The following NEXMIF variants were observed in gnomAD, a reference collection of about 807,000 sequenced individuals.
NEXMIF encodes neurite extension and migration factor, also known as XLMR protein related to neurite extension.
A neutral mutation model predicts 62.1 loss-of-function variants in NEXMIF; 8 were observed. The observed-to-expected ratio is 0.13, with a 90% confidence interval of 0.08 to 0.23. NEXMIF has a LOEUF of 0.23. Ranked by LOEUF, NEXMIF falls within the 10% of genes least tolerant of loss-of-function variation. The probability of loss-of-function intolerance (pLI) is 1.00; values close to 1 mark genes in which losing one functional copy is unlikely to be tolerated. For synonymous variants in NEXMIF, 404 were observed against 416.6 expected (o/e 0.97, Z 0.37); for missense variants, 976 against 1,113.3 (o/e 0.88, Z 1.75).
rs1279118470 is a variant in NEXMIF at position 74,745,586 on chromosome X, C to T, written c.65G>A (p.Gly22Glu). 3 of 1,192,413 alleles carry T rather than the reference C, an allele frequency of 2.5e-6. No homozygotes were observed. The highest frequency in any genetic ancestry group is 1.7e-5 in the African/African-American group (1 of 57,324). ...SANGENTLIN[G>E]VKENDSEDQD... The stretch of plus-strand genomic sequence containing the variant: ...AATTCCCTTACCATTTTCTTTGACC[C>T]CATTAATCAGAGTGTTTTCTCCGTT... The change falls in exon 2 of 4, where the codon GGG (glycine) becomes GAG (glutamate). Residue 22 changes from glycine (G) to glutamate (E), a missense_variant. Coordinates refer to ENST00000055682, the MANE Select transcript of NEXMIF (RefSeq NM_001008537.3).
At chrX:74,851,624 A>G (rs909868335) in intron 1 of NEXMIF, among the ~76,000 whole-genome samples, 1 of 111,392 alleles carries the variant, frequency 9.0e-6, no homozygotes, top group Non-Finnish European at 1.9e-5. Flanking sequence ...CAAGGATACT[A>G]TACCCAGCAA....
At chrX:74,891,864 C>T (rs1486354918) in intron 1 of NEXMIF, among the ~76,000 whole-genome samples, 20 of 111,914 alleles carry the variant, frequency 1.8e-4, no homozygotes, top group South Asian at 3.7e-4. Context: ...TCTACTTCTC[C>T]GACATGGCTC....
chrX:74,826,887 T>G (rs982097421), intron 1 of NEXMIF, among the ~76,000 whole-genome samples: 1 of 111,778 alleles, frequency 8.9e-6, no homozygotes. Context: ...AATTTATTGT[T>G]GGGAGGATTA....
At chrX:74,784,957 C>T (rs952312402) in intron 1 of NEXMIF, among the ~76,000 whole-genome samples, 1 of 111,446 alleles carries the variant, frequency 9.0e-6, no homozygotes, top group African/African-American at 3.3e-5. Context: ...GGCTCAAGTA[C>T]GCTTCCCCGG....
At chrX:74,870,640 G>A (rs763541108) in intron 1 of NEXMIF, among the ~76,000 whole-genome samples, 36 of 111,649 alleles carry the variant, frequency 3.2e-4, no homozygotes, top group South Asian at 7.4e-4. Context: ...CTAATAATCT[G>A]AATAAAAAAT....
At chrX:74,763,263 G>T (rs1318683530) in intron 1 of NEXMIF, among the ~76,000 whole-genome samples, 1 of 111,639 alleles carries the variant, frequency 9.0e-6, no homozygotes, top group East Asian at 2.8e-4. Context: ...GTTTGTCAAA[G>T]ATCAGATGGT....
chrX:74,861,238 A>C (rs1228251808), intron 1 of NEXMIF, among the ~76,000 whole-genome samples: 1 of 111,684 alleles, frequency 9.0e-6, no homozygotes, highest in African/African-American at 3.2e-5. Flanking sequence ...TAGAAGAAAG[A>C]ATTTCAGAGC....
At chrX:74,739,943 TTTAAAA>T (rs1197545460) in intron 3 of NEXMIF, 151 bp downstream of exon 3, 3 of 489,731 alleles carry the variant, frequency 6.1e-6, no homozygotes, top group African/African-American at 4.8e-5. Context: ...TTTCATGCAC[TTTAAAA>T]TTTTCTTTTT....
intron 1 of NEXMIF, among the ~76,000 whole-genome samples, chrX:74,821,020 TA>T (rs2080393543): frequency 2.7e-5 from 3 of 110,514 alleles, no homozygotes; most frequent in Non-Finnish European, 5.7e-5. Context: ...CAACCTAAAA[TA>T]AAACTTTGAA....
At chrX:74,775,521 C>T (rs1181779163) in intron 1 of NEXMIF, among the ~76,000 whole-genome samples, 1 of 112,065 alleles carries the variant, frequency 8.9e-6, no homozygotes, top group Non-Finnish European at 1.9e-5. Flanking sequence ...TTTGTTGATG[C>T]CTTGAACACT....
chrX:74,754,860 A>T (rs1426843324), intron 1 of NEXMIF, among the ~76,000 whole-genome samples: 1 of 111,743 alleles, frequency 8.9e-6, no homozygotes, highest in African/African-American at 3.3e-5. Flanking sequence ...GACAATGCAT[A>T]CTCAAATACA....
chrX:74,759,085 A>C (rs1602218552), intron 1 of NEXMIF, among the ~76,000 whole-genome samples: 1 of 112,280 alleles, frequency 8.9e-6, no homozygotes, highest in East Asian at 2.8e-4. Context: ...ACTTCTTAAT[A>C]ATAGCCATTC....
intron 1 of NEXMIF, among the ~76,000 whole-genome samples, chrX:74,881,955 G>T (rs1372663790): frequency 9.0e-6 from 1 of 111,354 alleles, no homozygotes; most frequent in East Asian, 2.8e-4. Context: ...TTGAAATCTA[G>T]GATTTCAACA....
intron 1 of NEXMIF, among the ~76,000 whole-genome samples, chrX:74,762,221 G>T (rs1230918415): frequency 3.7e-5 from 4 of 106,868 alleles, no homozygotes; most frequent in South Asian, 8.7e-4. Context: ...GCGGTGTTTG[G>T]TTTTTTGTCC....
chrX:74,790,937 G>C lies in NEXMIF; in HGVS notation c.-47-45240C>G, dbSNP rs1373612308. 2.0e-3 allele frequency among the ~76,000 whole-genome samples: 219 copies of C among 110,436 alleles called. 2 individuals are homozygous for C. The highest frequency in any genetic ancestry group is 6.3e-3 in the East Asian group (22 of 3,513). On this transcript the variant is annotated intron_variant, in intron 1 of 3. Transcript: ENST00000055682. ...TCGTCTGCAAACAGGGACAATTTGA[G>C]TTCCTCTTTTCCTAATTGAATACCC...
intron 1 of NEXMIF, among the ~76,000 whole-genome samples, chrX:74,814,642 A>G (rs2080370357): frequency 8.9e-6 from 1 of 112,344 alleles, no homozygotes; most frequent in African/African-American, 3.2e-5. Context: ...ATAAGGAAGT[A>G]TATGTAATTG....
chrX:74,871,763 C>T (rs2080602014), intron 1 of NEXMIF, among the ~76,000 whole-genome samples: 1 of 111,736 alleles, frequency 8.9e-6, no homozygotes, highest in South Asian at 3.7e-4. Context: ...AGGCAGTCAG[C>T]CCTTATGGTT....
rs768973660 is a variant in NEXMIF, at chrX:74,914,937, A to G, written c.-48+9946T>C. Among the ~76,000 whole-genome samples, 53 of 112,247 alleles carry G rather than the reference A, an allele frequency of 4.7e-4. 1 individual carries two copies. The highest frequency in any genetic ancestry group is 4.6e-3 in the Middle Eastern group (1 of 216). Reference sequence around the variant, plus strand: ...CGCTGAGTGAAAAAAGCCAACCCCCAAAAGTCACATACTCAATGATTCCAT... The same window carrying G: ...CGCTGAGTGAAAAAAGCCAACCCCCGAAAGTCACATACTCAATGATTCCAT... On this transcript the variant is annotated intron_variant, in intron 1 of 3. Transcript: ENST00000055682.
intron 1 of NEXMIF, among the ~76,000 whole-genome samples, chrX:74,773,494 T>G (rs1473964348): frequency 9.0e-6 from 1 of 111,126 alleles, no homozygotes; most frequent in Non-Finnish European, 1.9e-5. Flanking sequence ...TAGGGTTCAG[T>G]CTTTGGTGGG....
Sources: gnomAD v4.1 joint callset for allele counts (sites outside exome capture counted in the v4.1 genomes callset) on GRCh38, gnomAD v4.1.1 for gene constraint, MANE v1.5 for transcripts, NCBI Gene and HGNC (gene_info 2026-07-23, HGNC 2026-07-21) for gene names.